Variants in BCL7C observed in about 807,000 individuals in gnomAD.
BCL7C encodes the protein BAF chromatin remodeling complex subunit BCL7C, also known as B-cell CLL/lymphoma 7 protein family member C.
Under a neutral mutation model 26.2 loss-of-function variants are expected in BCL7C, and 8 were observed. The observed-to-expected ratio is 0.30, with a 90% CI of 0.18 to 0.55. The LOEUF is 0.55. Ranked by LOEUF, BCL7C falls within the 20% of genes least tolerant of loss-of-function variation. The probability of loss-of-function intolerance (pLI) is 0.93; values close to 1 mark genes in which losing one functional copy is unlikely to be tolerated. For missense variants in BCL7C, 262 were observed against 298.5 expected, an observed-to-expected ratio of 0.88 and a Z score of 0.90; for synonymous variants, 90 against 116.5, an observed-to-expected ratio of 0.77 and a Z score of 1.47.
rs758573108 is a variant in BCL7C, at chr16:30,879,700, A to AAAAAAAAAAAAAC, written c.528+9159_528+9160insGTTTTTTTTTTTT. On this transcript the variant is annotated intron_variant, in intron 5 of 5. Coordinates refer to the BCL7C transcript ENST00000380317. The stretch of plus-strand genomic sequence containing the variant: ...ACTCCCCTTCTCTACAAAAAAAAAA[A>AAAAAAAAAAAAAC]AAAAAAAAACTGGGCACGGTGGCTC... Among the ~76,000 whole-genome samples, 51 of 135,120 alleles carry AAAAAAAAAAAAAC rather than the reference A, an allele frequency of 3.8e-4. 2 individuals are homozygous for AAAAAAAAAAAAAC. Among genetic ancestry groups the AAAAAAAAAAAAAC allele is most frequent in the African/African-American group, 9.7e-4 (38 of 39,024 alleles). The allele number at this position is 135,120 out of a possible 152,430, so 88.6% of individuals were successfully genotyped here.
chr16:30,893,769 C>T lies in BCL7C; in HGVS notation c.92+84G>A. 3 of 1,246,214 alleles carry T rather than the reference C, an allele frequency of 2.4e-6. No homozygotes were observed. Among genetic ancestry groups the T allele is most frequent in the Admixed American group, 1.7e-5 (1 of 57,456 alleles). 77.2% of individuals were successfully genotyped at this position (1,246,214 alleles called of 1,614,324 possible). ...GTGGAGATACACCGAACACCCGGGG[C>T]CCAGAGCTGGCGAGGGCAGCGTAGA... On this transcript the variant is annotated intron_variant, in intron 1 of 5. Coordinates refer to ENST00000215115, the MANE Select transcript of BCL7C (RefSeq NM_004765.4). The surrounding 1 kb of genome is among the most constrained non-coding windows in gnomAD (Gnocchi z 5.2).
intron 5 of BCL7C, among the ~76,000 whole-genome samples, chr16:30,881,880 G>A (rs2055049172): frequency 6.6e-6 from 1 of 151,888 alleles, no homozygotes; most frequent in South Asian, 2.1e-4. Flanking sequence ...TTCTGTGCTT[G>A]CTTTTTCCAG....
At position 30,839,189 on chromosome 16, in the gene BCL7C, A is replaced by G. The variant is rs143486650; in HGVS notation, c.529-4041T>C. 8.9e-3 allele frequency among the ~76,000 whole-genome samples: 1,357 copies of G among 152,300 alleles called. 9 individuals are homozygous for G. Among genetic ancestry groups the G allele is most frequent in the Non-Finnish European group, 0.013 (885 of 68,022 alleles). Reference sequence around the variant, plus strand: ...GGGCACCTCTTTCCTAGTTCATACAAAGTTGCTAAGAATTTATGAATGAGC... The same window carrying G: ...GGGCACCTCTTTCCTAGTTCATACAGAGTTGCTAAGAATTTATGAATGAGC... On this transcript the variant is annotated intron_variant, in intron 5 of 5. Coordinates refer to the BCL7C transcript ENST00000380317.
intron 5 of BCL7C, among the ~76,000 whole-genome samples, chr16:30,871,481 C>T (rs968317518): frequency 6.6e-6 from 1 of 152,050 alleles, no homozygotes; most frequent in Non-Finnish European, 1.5e-5. Context: ...ATTCACCTAG[C>T]TCAATGTTAG....
At chr16:30,881,602 T>C (rs1443664656) in intron 5 of BCL7C, among the ~76,000 whole-genome samples, 1 of 152,136 alleles carries the variant, frequency 6.6e-6, no homozygotes, top group Non-Finnish European at 1.5e-5. Context: ...CTTGTTTTCA[T>C]TCTCCCAGTG....
At chr16:30,846,946 A>T (rs951628355) in intron 5 of BCL7C, among the ~76,000 whole-genome samples, 2 of 152,214 alleles carry the variant, frequency 1.3e-5, no homozygotes, top group Non-Finnish European at 2.9e-5. Flanking sequence ...TCTTGACTAC[A>T]GTGACAGCAG....
intron 5 of BCL7C, among the ~76,000 whole-genome samples, chr16:30,870,905 G>A (rs2054877029): frequency 6.6e-6 from 1 of 152,176 alleles, no homozygotes; most frequent in Admixed American, 6.5e-5. Context: ...GTGCCCCTGG[G>A]CAAGTCACTT....
chr16:30,889,959 T>C (rs1473089480), intron 4 of BCL7C, among the ~76,000 whole-genome samples: 1 of 128,018 alleles, frequency 7.8e-6, no homozygotes. Flanking sequence ...GCTTAAAAAA[T>C]GAAGGAAAAA....
chr16:30,857,387 CAAAAAA>C (rs71149059), intron 5 of BCL7C, among the ~76,000 whole-genome samples: 3 of 90,352 alleles, frequency 3.3e-5, no homozygotes, highest in African/African-American at 8.5e-5. Flanking sequence ...GACTCCATCT[CAAAAAA>C]AAAAAAAAAA....
At position 30,893,796 on chromosome 16, in the gene BCL7C, GC is replaced by G; in HGVS notation, c.92+56del. On this transcript the variant is annotated intron_variant, in intron 1 of 5. Transcript: ENST00000215115. This position sits in a 1 kb window ranked among gnomAD's most constrained non-coding sequence, Gnocchi z 5.2. ...CAGAGCTGGCGAGGGCAGCGTAGAC[GC>G]CTTTGGTGCTGGTGGTCCCGCTGTG... 6.7e-7 allele frequency: 1 copy of G among 1,502,346 alleles called. No homozygotes were observed. The highest frequency in any genetic ancestry group is 9.1e-7 in the Non-Finnish European group (1 of 1,094,504). 93.1% of individuals were successfully genotyped at this position (1,502,346 alleles called of 1,614,324 possible).
At chr16:30,881,999 C>T (rs1292394120) in intron 5 of BCL7C, among the ~76,000 whole-genome samples, 1 of 151,582 alleles carries the variant, frequency 6.6e-6, no homozygotes, top group Non-Finnish European at 1.5e-5. Context: ...GAATCTCACT[C>T]ACCCAGGCTG....
intron 5 of BCL7C, among the ~76,000 whole-genome samples, chr16:30,856,910 G>T (rs1472097373): frequency 6.6e-6 from 1 of 152,168 alleles, no homozygotes; most frequent in Non-Finnish European, 1.5e-5. Flanking sequence ...CTCTCTATTG[G>T]ATATGGCATG....
chr16:30,845,542 A>G (rs113905512), intron 5 of BCL7C, among the ~76,000 whole-genome samples: 1 of 152,132 alleles, frequency 6.6e-6, no homozygotes, highest in Non-Finnish European at 1.5e-5. Context: ...CCCAGAGGGC[A>G]GATTTCTAGG....
intron 5 of BCL7C, among the ~76,000 whole-genome samples, chr16:30,870,523 G>A (rs914469131): frequency 2.0e-5 from 3 of 151,772 alleles, no homozygotes; most frequent in African/African-American, 7.3e-5. Context: ...AAAATTAGCC[G>A]GGTGGGCTGG....
At chr16:30,861,857 CTTTTTTTTTTTTTT>C (rs35135586) in intron 5 of BCL7C, among the ~76,000 whole-genome samples, 3 of 68,826 alleles carry the variant, frequency 4.4e-5, no homozygotes, top group African/African-American at 1.8e-4. Flanking sequence ...GGACAACATG[CTTTTTTTTTTTTTT>C]TTTTTTTTTT....
intron 5 of BCL7C, among the ~76,000 whole-genome samples, chr16:30,849,721 G>C: frequency 6.6e-6 from 1 of 151,142 alleles, no homozygotes. Flanking sequence ...AAAGTGTTGG[G>C]ATTATAGGCA....
chr16:30,862,429 G>A (rs549273795), intron 5 of BCL7C, among the ~76,000 whole-genome samples: 3 of 152,236 alleles, frequency 2.0e-5, no homozygotes, highest in Admixed American at 6.5e-5. Context: ...CTGCAGGGAC[G>A]GCCCTCATTA....
rs370977157 is a variant in BCL7C at position 30,878,699 on chromosome 16, T to C, written c.528+10161A>G. Among the ~76,000 whole-genome samples the C allele has an allele frequency of 6.5e-4, 95 of 145,870 alleles. 1 individual carries two copies. The East Asian group carries it at 0.015, about 22-fold the overall frequency. On this transcript the variant is annotated intron_variant, in intron 5 of 5. Coordinates refer to the BCL7C transcript ENST00000380317. ...CTCTACTAAAAATACAAAAATTAGC[T>C]GGGCGTGGTGGCACGCACCTGTAAT... is the stretch of plus-strand genomic sequence containing the variant.
chr16:30,849,445 C>T (rs2054657277), intron 5 of BCL7C, among the ~76,000 whole-genome samples: 1 of 151,874 alleles, frequency 6.6e-6, no homozygotes, highest in Non-Finnish European at 1.5e-5. Context: ...CATAGCCACT[C>T]CACATCCCCG....
Sources: gnomAD v4.1 joint callset for allele counts (sites outside exome capture counted in the v4.1 genomes callset) on GRCh38, gnomAD v4.1.1 for gene constraint, Gnocchi (gnomAD v3.1) non-coding constraint, MANE v1.5 for transcripts, NCBI Gene and HGNC (gene_info 2026-07-23, HGNC 2026-07-21) for gene names.